THSD7B: variants seen among roughly 807,000 people sequenced by gnomAD.
The protein encoded by THSD7B is thrombospondin type-1 domain-containing protein 7B.
THSD7B carries 138 observed loss-of-function variants against 213.6 expected under a neutral mutation model. The observed-to-expected ratio is 0.65, with a 90% confidence interval of 0.56 to 0.74. The LOEUF is 0.74. Ranked by LOEUF, THSD7B falls within the 30% of genes least tolerant of loss-of-function variation. The pLI is 0.00. For synonymous variants in THSD7B, 742 were observed against 687.0 expected (o/e 1.08, Z -1.25); for missense variants, 1,931 against 1,991.5 (o/e 0.97, Z 0.58).
At chr2:137,330,018 A>T (rs1379521020) in intron 12 of THSD7B, among the ~76,000 whole-genome samples, 5 of 152,170 alleles carry the variant, frequency 3.3e-5, no homozygotes, top group Non-Finnish European at 7.4e-5. Flanking sequence ...GGCCAACATA[A>T]AGCTTAGGCT....
chr2:137,057,906 A>C (rs2104878291), intron 3 of THSD7B, among the ~76,000 whole-genome samples: 1 of 152,366 alleles, frequency 6.6e-6, no homozygotes, highest in Non-Finnish European at 1.5e-5. Context: ...AGTCTAAAAC[A>C]TCATGACATA....
chr2:137,474,115 G>C (rs546996539), intron 15 of THSD7B, among the ~76,000 whole-genome samples: 79 of 152,276 alleles, frequency 5.2e-4, no homozygotes, highest in African/African-American at 1.8e-3. Context: ...TAAAATTCAT[G>C]CTACTGAAGT....
chr2:137,224,904 A>G (rs1294004919), intron 7 of THSD7B, among the ~76,000 whole-genome samples: 4 of 152,104 alleles, frequency 2.6e-5, no homozygotes, highest in Admixed American at 2.6e-4. Context: ...GGCCTTTGTA[A>G]TCATGTTTAT....
intron 15 of THSD7B, among the ~76,000 whole-genome samples, chr2:137,467,610 C>T (rs529294812): frequency 1.3e-5 from 2 of 152,190 alleles, no homozygotes; most frequent in South Asian, 2.1e-4. Flanking sequence ...ATGTTACTCT[C>T]TTTTTGATAC....
intron 14 of THSD7B, among the ~76,000 whole-genome samples, chr2:137,426,122 G>A (rs781063401): frequency 7.2e-5 from 11 of 152,208 alleles, no homozygotes; most frequent in Middle Eastern, 6.8e-3. Context: ...TAAAATTAAG[G>A]AAGTGGAAGA....
chr2:136,766,600 TCTCA>T (rs1681400060), intron 1 of THSD7B, among the ~76,000 whole-genome samples: 2 of 152,220 alleles, frequency 1.3e-5, no homozygotes, highest in African/African-American at 4.8e-5. Flanking sequence ...CGTTAAGCTC[TCTCA>T]CTCTATCCCT....
At chr2:136,769,459 T>A (rs1427399823) in intron 1 of THSD7B, among the ~76,000 whole-genome samples, 2 of 152,204 alleles carry the variant, frequency 1.3e-5, no homozygotes, top group African/African-American at 4.8e-5. Flanking sequence ...TGGTAAAACT[T>A]TGAAACTAAC....
chr2:137,130,295 C>T (rs1688705323), intron 5 of THSD7B, among the ~76,000 whole-genome samples: 1 of 152,094 alleles, frequency 6.6e-6, no homozygotes, highest in Non-Finnish European at 1.5e-5. Context: ...AGCCCTACCC[C>T]ATTTGCTCAA....
At chr2:137,640,631 C>T (rs1239236241) in intron 20 of THSD7B, among the ~76,000 whole-genome samples, 1 of 152,072 alleles carries the variant, frequency 6.6e-6, no homozygotes, top group Non-Finnish European at 1.5e-5. Context: ...GCCTTAGTTT[C>T]GTCATCTATA....
At chr2:137,092,744 C>T (rs982457669) in intron 3 of THSD7B, among the ~76,000 whole-genome samples, 2 of 152,166 alleles carry the variant, frequency 1.3e-5, no homozygotes, top group Admixed American at 1.3e-4. Context: ...AAGCAACTCT[C>T]CTGCTTCAGC....
chr2:136,991,932 C>T (rs903655207), intron 2 of THSD7B, among the ~76,000 whole-genome samples: 4 of 152,140 alleles, frequency 2.6e-5, no homozygotes, highest in Admixed American at 1.3e-4. Context: ...GGCCCTAAAA[C>T]GGGATTTCTT....
intron 2 of THSD7B, among the ~76,000 whole-genome samples, chr2:136,979,695 C>T (rs571090508): frequency 3.9e-4 from 60 of 152,234 alleles, no homozygotes; most frequent in African/African-American, 1.4e-3. Context: ...TATCATGGTT[C>T]TTGGCTTCTT....
intron 17 of THSD7B, among the ~76,000 whole-genome samples, chr2:137,587,617 C>A (rs918196858): frequency 6.6e-6 from 1 of 152,210 alleles, no homozygotes; most frequent in Admixed American, 6.5e-5. Flanking sequence ...ACCCTGTTTG[C>A]CTGGGTATCA....
intron 7 of THSD7B, among the ~76,000 whole-genome samples, chr2:137,225,378 C>T (rs12691910): frequency 0.41 from 62,549 of 152,062 alleles, 13,007 homozygotes; most frequent in Middle Eastern, 0.5. Flanking sequence ...GATGAGCTGA[C>T]AATGAATTGT....
At chr2:137,081,891 G>A (rs1687753453) in intron 3 of THSD7B, among the ~76,000 whole-genome samples, 1 of 152,080 alleles carries the variant, frequency 6.6e-6, no homozygotes, top group Non-Finnish European at 1.5e-5. Context: ...TGCTGGTAGT[G>A]GTGATAGGAA....
At chr2:137,376,787 A>G (rs1685667032) in intron 12 of THSD7B, among the ~76,000 whole-genome samples, 2 of 152,222 alleles carry the variant, frequency 1.3e-5, no homozygotes. Context: ...TACAATTTGA[A>G]TTGAAGACTT....
chr2:137,446,160 G>A (rs1687533546), intron 14 of THSD7B, among the ~76,000 whole-genome samples: 1 of 151,916 alleles, frequency 6.6e-6, no homozygotes, highest in African/African-American at 2.4e-5. Context: ...ATTAATCTAG[G>A]TTATTTTCTC....
chr2:137,255,640 C>G (rs772611228), intron 10 of THSD7B, among the ~76,000 whole-genome samples: 2 of 152,158 alleles, frequency 1.3e-5, no homozygotes, highest in Non-Finnish European at 2.9e-5. Context: ...TTTTCCATCT[C>G]ATTCAGACTT....
chr2:137,585,597 C>T (rs1681705629), intron 17 of THSD7B, among the ~76,000 whole-genome samples: 1 of 152,048 alleles, frequency 6.6e-6, no homozygotes, highest in South Asian at 2.1e-4. Context: ...TTGTTATATA[C>T]CCAGTAGTCT....
Sources: gnomAD v4.1 joint callset for allele counts (sites outside exome capture counted in the v4.1 genomes callset) on GRCh38, gnomAD v4.1.1 for gene constraint, MANE v1.5 for transcripts, NCBI Gene and HGNC (gene_info 2026-07-23, HGNC 2026-07-21) for gene names.